TADA2A: variants seen among roughly 807,000 people sequenced by gnomAD.
TADA2A encodes the protein transcriptional adapter 2-alpha.
In TADA2A, 38 loss-of-function variants were observed where a neutral mutation model predicts 67.4. The ratio of observed to expected loss-of-function variants is 0.56; its 90% CI spans 0.44 to 0.74. The LOEUF is 0.74. Ranked by LOEUF, TADA2A falls within the 30% of genes least tolerant of loss-of-function variation. The pLI, the probability that TADA2A is intolerant of heterozygous loss-of-function variation, is 0.00. For synonymous variants in TADA2A, 192 were observed against 181.6 expected (o/e 1.06, Z -0.46); for missense variants, 454 against 547.0 (o/e 0.83, Z 1.70).
At chr17:37,451,081 C>T (rs906522546) in intron 8 of TADA2A, among the ~76,000 whole-genome samples, 1 of 151,896 alleles carries the variant, frequency 6.6e-6, no homozygotes, top group Non-Finnish European at 1.5e-5. Context: ...GGATGGAATG[C>T]AGTGGTACAA....
chr17:37,422,490 T>G (rs571378363), intron 2 of TADA2A, among the ~76,000 whole-genome samples: 2,877 of 82,574 alleles, frequency 0.035, 44 homozygotes, highest in African/African-American at 0.042. Context: ...TGATTATTAT[T>G]ATTATTATTA....
Position 37,470,420 on chromosome 17 carries a change from C to T in TADA2A, c.916C>T (p.Leu306Phe). The T allele has an allele frequency of 1.2e-6, 2 of 1,613,722 alleles. No individual in the cohort carries two copies. Among genetic ancestry groups the T allele is most frequent in the Non-Finnish European group, 1.7e-6 (2 of 1,179,878 alleles). The stretch of plus-strand genomic sequence containing the variant: ...CCCAGGTGCCAGAACCTACGATCAC[C>T]TCAAGAAGACACGGGAGGAAGAGCG... ...NFCSARTYDH[L>F]KKTREEERLK... is the part of the protein sequence containing the mutation. Residue 306 changes from leucine to phenylalanine, a missense_variant, in exon 13 of 16, where the codon CTC becomes TTC. Coordinates refer to ENST00000615182, the MANE Select transcript of TADA2A (RefSeq NM_001166105.3).
At chr17:37,444,879 T>G in intron 8 of TADA2A, 111 bp downstream of exon 8, 2 of 1,006,134 alleles carry the variant, frequency 2.0e-6, no homozygotes, top group Non-Finnish European at 3.0e-6. Context: ...CTTATAGAAT[T>G]CAGAAATCTA....
At chr17:37,464,901 C>G (rs1451859798) in intron 10 of TADA2A, among the ~76,000 whole-genome samples, 1 of 148,790 alleles carries the variant, frequency 6.7e-6, no homozygotes, top group Admixed American at 6.7e-5. Flanking sequence ...AATCCCAGCA[C>G]TTTGGGAGGC....
At chr17:37,474,137 G>A (rs201348234) in intron 14 of TADA2A, among the ~76,000 whole-genome samples, 2 of 152,204 alleles carry the variant, frequency 1.3e-5, no homozygotes, top group East Asian at 3.8e-4. Context: ...TAGTTGGGAG[G>A]CTGAGGCAGG....
intron 8 of TADA2A, among the ~76,000 whole-genome samples, chr17:37,450,833 A>G (rs2053212074): frequency 6.6e-6 from 1 of 152,192 alleles, no homozygotes; most frequent in African/African-American, 2.4e-5. Flanking sequence ...CAGTTAAGAT[A>G]TTGTATTCAG....
At chr17:37,443,236 A>C (rs952384200) in intron 7 of TADA2A, among the ~76,000 whole-genome samples, 1 of 151,830 alleles carries the variant, frequency 6.6e-6, no homozygotes, top group Non-Finnish European at 1.5e-5. Flanking sequence ...TTAGGTATGA[A>C]ATTCCTATAG....
At chr17:37,434,835 G>A (rs1363478678) in intron 4 of TADA2A, among the ~76,000 whole-genome samples, 1 of 152,052 alleles carries the variant, frequency 6.6e-6, no homozygotes, top group African/African-American at 2.4e-5. Context: ...AATATTTGAT[G>A]TTTCAGTCCT....
intron 2 of TADA2A, among the ~76,000 whole-genome samples, chr17:37,420,606 T>C (rs1192088629): frequency 6.9e-6 from 1 of 145,866 alleles, no homozygotes; most frequent in Non-Finnish European, 1.5e-5. Context: ...CTGGTCAGGT[T>C]AGTCTTGAAC....
intron 8 of TADA2A, among the ~76,000 whole-genome samples, chr17:37,452,591 C>T (rs1295314523): frequency 6.6e-6 from 1 of 152,046 alleles, no homozygotes; most frequent in Non-Finnish European, 1.5e-5. Flanking sequence ...TGTTTCTACC[C>T]ACCACTTCTA....
rs950910290 is a variant in TADA2A at position 37,422,008 on chromosome 17, A to G, written c.26-1501A>G. On this transcript the variant is annotated intron_variant, in intron 2 of 15. Coordinates refer to ENST00000615182, the MANE Select transcript of TADA2A (RefSeq NM_001166105.3). Reference sequence around the variant, plus strand: ...GTTCTTCTGCCTCAGCCTCCTGTGTAGCTGGGACTACAGATGCATACCGCC... The same window carrying G: ...GTTCTTCTGCCTCAGCCTCCTGTGTGGCTGGGACTACAGATGCATACCGCC... 1.7e-4 allele frequency among the ~76,000 whole-genome samples: 24 copies of G among 143,522 alleles called. 2 individuals are homozygous for G. Among genetic ancestry groups the G allele is most frequent in the Non-Finnish European group, 2.9e-4 (19 of 64,732 alleles). 94.2% of individuals were successfully genotyped at this position (143,522 alleles called of 152,430 possible). A position where few individuals can be genotyped will look rare whatever the true frequency, so the allele number is the denominator to read the frequency against.
intron 4 of TADA2A, among the ~76,000 whole-genome samples, chr17:37,433,332 A>G (rs2052626840): frequency 6.6e-6 from 1 of 152,074 alleles, no homozygotes. Flanking sequence ...AAATGTTAAC[A>G]TCTTACATTA....
chr17:37,427,159 C>A, intron 4 of TADA2A, 150 bp downstream of exon 4: 1 of 567,054 alleles, frequency 1.8e-6, no homozygotes, highest in Non-Finnish European at 2.8e-6. Context: ...TTCTCCCCTT[C>A]GGAAATAGGT....
chr17:37,450,343 T>C (rs1319161244), intron 8 of TADA2A, among the ~76,000 whole-genome samples: 1 of 152,220 alleles, frequency 6.6e-6, no homozygotes, highest in Non-Finnish European at 1.5e-5. Context: ...AGGTTTCTAC[T>C]TGTTTGGTCG....
At chr17:37,425,493 A>G (rs1000134995) in intron 3 of TADA2A, among the ~76,000 whole-genome samples, 11 of 152,212 alleles carry the variant, frequency 7.2e-5, no homozygotes, top group Non-Finnish European at 1.5e-4. Flanking sequence ...GAGGTTAAGT[A>G]ACTTGTTCAG....
chr17:37,461,825 T>C, intron 9 of TADA2A: 1 of 344,278 alleles, frequency 2.9e-6, no homozygotes, highest in Non-Finnish European at 5.3e-6. Flanking sequence ...TGGTTATTGA[T>C]TGATTCATTC....
Position 37,477,159 on chromosome 17 carries a change from AC to A in TADA2A, c.*178del, listed in dbSNP as rs1457119420. The A allele has an allele frequency of 3.2e-6, 2 of 615,500 alleles. No individual in the cohort carries two copies. Among genetic ancestry groups the A allele is most frequent in the Non-Finnish European group, 5.4e-6 (2 of 369,080 alleles). 38.1% of individuals were successfully genotyped at this position (615,500 alleles called of 1,614,324 possible). A position where few individuals can be genotyped will look rare whatever the true frequency, so the allele number is the denominator to read the frequency against. On this transcript the variant is annotated 3_prime_UTR_variant, in exon 16 of 16. Transcript: ENST00000615182. The stretch of plus-strand genomic sequence containing the variant: ...ACTTTCTTCTCCATCCTGCTTTAAA[AC>A]ACTCCTGTTGTTGGTATTATGCTGC...
At chr17:37,452,541 G>A (rs1314258057) in intron 8 of TADA2A, among the ~76,000 whole-genome samples, 1 of 152,100 alleles carries the variant, frequency 6.6e-6, no homozygotes, top group Non-Finnish European at 1.5e-5. Flanking sequence ...TATAAAACTT[G>A]TATTTGGTTA....
At chr17:37,427,145 C>G in intron 4 of TADA2A, 136 bp downstream of exon 4, 1 of 613,422 alleles carries the variant, frequency 1.6e-6, no homozygotes, top group South Asian at 3.6e-5. Flanking sequence ...AGTATCTTTA[C>G]CTTTTCTCCC....
Sources: allele counts gnomAD v4.1 joint callset (sites outside exome capture counted in the v4.1 genomes callset), GRCh38; gene constraint gnomAD v4.1.1; transcripts MANE v1.5; gene names NCBI Gene and HGNC (gene_info 2026-07-23, HGNC 2026-07-21).